The following U2AF2 variants were observed in gnomAD, a reference collection of about 807,000 sequenced individuals.
U2AF2 encodes the protein splicing factor U2AF 65 kDa subunit.
A neutral mutation model predicts 52.6 loss-of-function variants in U2AF2; 6 were observed. That is an observed-to-expected ratio of 0.11 (90% CI 0.06 to 0.23). U2AF2 has a LOEUF of 0.23. Ranked by LOEUF, U2AF2 falls within the 10% of genes least tolerant of loss-of-function variation. The pLI is 1.00. For synonymous variants in U2AF2, 284 were observed against 258.2 expected, an observed-to-expected ratio of 1.10 and a Z score of -0.96; for missense variants, 222 against 677.1, an observed-to-expected ratio of 0.33 and a Z score of 7.46.
In U2AF2 at chr19:55,660,518, G is replaced by GCCT; in HGVS notation, c.233_234insCCT (p.Arg78_Ser79insLeu). ...CTCTCCCCTCCCACCTCCCCCAGTC[G>GCCT]TTCCCCCCGCCACGAGAAGAAGAAG... On this transcript the variant is annotated inframe_insertion, in exon 4 of 12. Coordinates refer to ENST00000308924, the MANE Select transcript of U2AF2 (RefSeq NM_007279.3). The GCCT allele has an allele frequency of 7.3e-7, 1 of 1,376,524 alleles. No homozygotes were observed. Among genetic ancestry groups the GCCT allele is most frequent in the Non-Finnish European group, 9.6e-7 (1 of 1,037,976 alleles). 85.3% of individuals were successfully genotyped at this position (1,376,524 alleles called of 1,614,324 possible). A position where few individuals can be genotyped will look rare whatever the true frequency, so the allele number is the denominator to read the frequency against.
intron 1 of U2AF2, among the ~76,000 whole-genome samples, chr19:55,656,467 T>G (rs1463320619): frequency 6.6e-6 from 1 of 152,282 alleles, no homozygotes; most frequent in African/African-American, 2.4e-5. Context: ...GCTTTGTCGT[T>G]TAGTAACTGC....
intron 11 of U2AF2, chr19:55,671,852 C>G (rs886368996): frequency 6.6e-6 from 1 of 152,182 alleles, no homozygotes; most frequent in African/African-American, 2.4e-5. Flanking sequence ...GGCGGCCCGG[C>G]GAGGTGGCTC....
chr19:55,655,642 C>T (rs1372164023), intron 1 of U2AF2, among the ~76,000 whole-genome samples: 2 of 152,232 alleles, frequency 1.3e-5, no homozygotes, highest in Non-Finnish European at 2.9e-5. Flanking sequence ...CCCTTTCCTT[C>T]CTTCACGTGG....
intron 6 of U2AF2, among the ~76,000 whole-genome samples, chr19:55,663,114 A>AG (rs1984323399): frequency 6.6e-6 from 1 of 152,086 alleles, no homozygotes; most frequent in African/African-American, 2.4e-5. Flanking sequence ...AGTATTGTGA[A>AG]GGTGTGGGCA....
intron 11 of U2AF2, chr19:55,671,994 C>G (rs990465901): frequency 2.6e-5 from 4 of 151,816 alleles, no homozygotes; most frequent in African/African-American, 9.7e-5. Context: ...GGCATGGTGG[C>G]GGTGCGTGCC....
chr19:55,659,747 C>T (rs1984040590), intron 2 of U2AF2, among the ~76,000 whole-genome samples: 1 of 152,074 alleles, frequency 6.6e-6, no homozygotes, highest in South Asian at 2.1e-4. Context: ...CAGTTTCTTT[C>T]TTCCCTGCCT....
At chr19:55,657,333 C>T (rs1338674763) in intron 1 of U2AF2, among the ~76,000 whole-genome samples, 1 of 152,230 alleles carries the variant, frequency 6.6e-6, no homozygotes, top group Non-Finnish European at 1.5e-5. Context: ...ATAGGGGAAG[C>T]TCTGCCCGCG....
At chr19:55,656,995 C>T (rs570123999) in intron 1 of U2AF2, among the ~76,000 whole-genome samples, 1 of 152,214 alleles carries the variant, frequency 6.6e-6, no homozygotes, top group Non-Finnish European at 1.5e-5. Context: ...AAAACCAAGT[C>T]TTAAAGGCTA....
Position 55,655,167 on chromosome 19 carries a change from G to T in U2AF2, c.49+14G>T. ...AGAATAAACAAGGTGAGGGCACCGGGGTCGCGGGGCGGAGGTGTGGGCGGC... is the reference window on the plus strand; with the variant it reads ...AGAATAAACAAGGTGAGGGCACCGGTGTCGCGGGGCGGAGGTGTGGGCGGC... On this transcript the variant is annotated intron_variant, in intron 1 of 11. Coordinates refer to ENST00000308924, the MANE Select transcript of U2AF2 (RefSeq NM_007279.3). 6.2e-7 allele frequency: 1 copy of T among 1,602,188 alleles called. No homozygotes were observed. Among genetic ancestry groups the T allele is most frequent in the Non-Finnish European group, 8.5e-7 (1 of 1,175,314 alleles).
intron 7 of U2AF2, among the ~76,000 whole-genome samples, chr19:55,667,404 C>T (rs966824238): frequency 3.9e-5 from 6 of 152,062 alleles, no homozygotes; most frequent in African/African-American, 1.2e-4. Flanking sequence ...GGTTGGTTAC[C>T]GGGGCCTGGC....
At chr19:55,670,438 C>T (rs1984824497) in intron 11 of U2AF2, among the ~76,000 whole-genome samples, 1 of 133,666 alleles carries the variant, frequency 7.5e-6, no homozygotes, top group Non-Finnish European at 1.6e-5. Context: ...GCTGTCCGTG[C>T]ACCCTGCTGT....
At chr19:55,662,082 C>G (rs537658947) in intron 5 of U2AF2, 168 of 168,804 alleles carry the variant, frequency 1.0e-3, no homozygotes, top group African/African-American at 3.7e-3. Flanking sequence ...TTCTACTTTC[C>G]TGCCACTTTT....
At chr19:55,659,446 C>A (rs1325272657) in intron 2 of U2AF2, 101 bp downstream of exon 2, 2 of 1,321,890 alleles carry the variant, frequency 1.5e-6, no homozygotes, top group Non-Finnish European at 1.9e-6. Context: ...GGGTCCGGGC[C>A]CTGTGTGGCT....
intron 11 of U2AF2, chr19:55,671,394 G>GC (rs1984912699): frequency 7.1e-6 from 1 of 140,410 alleles, no homozygotes; most frequent in Non-Finnish European, 1.6e-5. Flanking sequence ...TCGGGGGTGA[G>GC]CGGGGGGTGG....
At chr19:55,659,611 G>A (rs1248141930) in intron 2 of U2AF2, among the ~76,000 whole-genome samples, 1 of 151,994 alleles carries the variant, frequency 6.6e-6, no homozygotes, top group Admixed American at 6.6e-5. Flanking sequence ...TGGAGCCTGG[G>A]AATTGATTCT....
rs751304340 is a variant in U2AF2, at chr19:55,655,167, G to A, written c.49+14G>A. ...AGAATAAACAAGGTGAGGGCACCGG[G>A]GTCGCGGGGCGGAGGTGTGGGCGGC... is the stretch of plus-strand genomic sequence containing the variant. On this transcript the variant is annotated intron_variant, in intron 1 of 11. Coordinates refer to ENST00000308924, the MANE Select transcript of U2AF2 (RefSeq NM_007279.3). The A allele has an allele frequency of 9.4e-6, 15 of 1,602,188 alleles. No individual in the cohort carries two copies. Among genetic ancestry groups the A allele is most frequent in the East Asian group, 7.0e-5 (3 of 43,002 alleles).
intron 3 of U2AF2, 29 bp downstream of exon 3, chr19:55,660,250 C>T (rs1419223989): frequency 3.7e-6 from 6 of 1,608,532 alleles, no homozygotes; most frequent in African/African-American, 1.3e-5. Flanking sequence ...CCCTTCCTCC[C>T]TGATGTCCAC....
chr19:55,660,034 G>C (rs1297377481), intron 2 of U2AF2, 143 bp from the exon 3 acceptor site: 5 of 646,700 alleles, frequency 7.7e-6, no homozygotes, highest in Non-Finnish European at 1.3e-5. Context: ...GGAAATGGCA[G>C]GGCCGAGGGT....
intron 5 of U2AF2, 173 bp downstream of exon 5, chr19:55,661,362 T>C (rs1600073957): frequency 1.6e-6 from 1 of 618,340 alleles, no homozygotes; most frequent in South Asian, 3.4e-5. Context: ...GGGCTGGGGG[T>C]GGCCCTCCCT....
Sources: allele counts gnomAD v4.1 joint callset (sites outside exome capture counted in the v4.1 genomes callset), GRCh38; gene constraint gnomAD v4.1.1; transcripts MANE v1.5; gene names NCBI Gene and HGNC (gene_info 2026-07-23, HGNC 2026-07-21).